The following MCM10 variants were observed in gnomAD, a reference collection of about 807,000 sequenced individuals.
MCM10 encodes minichromosome maintenance 10 replication initiation factor, also known as protein MCM10 homolog.
MCM10 carries 91 observed loss-of-function variants against 109.9 expected under a neutral mutation model. That is an observed-to-expected ratio of 0.83 (90% CI 0.70 to 0.99). The LOEUF (loss-of-function observed/expected upper bound fraction) is 0.99, where lower values mean the gene tolerates loss of function less well. MCM10 is among the 50% of genes least tolerant of loss of function. The pLI, the probability that MCM10 is intolerant of heterozygous loss-of-function variation, is 0.00. For missense variants in MCM10, 1,077 were observed against 1,061.2 expected, an observed-to-expected ratio of 1.01 and a Z score of -0.21; for synonymous variants, 380 against 387.2, an observed-to-expected ratio of 0.98 and a Z score of 0.22.
chr10:13,189,612 T>TG (rs1834321087), intron 10 of MCM10, among the ~76,000 whole-genome samples: 1 of 152,212 alleles, frequency 6.6e-6, no homozygotes, highest in East Asian at 1.9e-4. Flanking sequence ...CATGAGCCAC[T>TG]GCTCCCAGCC....
rs182592910 is a variant in MCM10 at position 13,207,444 on chromosome 10, G to T, written c.2499-1647G>T. On this transcript the variant is annotated intron_variant, in intron 18 of 19. Coordinates refer to ENST00000378714, the MANE Select transcript of MCM10 (RefSeq NM_018518.5). ...CAGTCTCTAGAGGTGGAAGGTGATG[G>T]TTGGGAGGTTGTAAGGGCTAAGGCC... 8.5e-5 allele frequency among the ~76,000 whole-genome samples: 13 copies of T among 152,298 alleles called. No homozygotes were observed. In the East Asian group the frequency reaches 2.5e-3, roughly 29 times the overall value.
In MCM10 at chr10:13,188,951, T is replaced by C; in HGVS notation, c.1286T>C (p.Leu429Pro). 1 of 1,614,232 alleles carries C rather than the reference T, an allele frequency of 6.2e-7. No homozygotes were observed. Among genetic ancestry groups the C allele is most frequent in the African/African-American group, 1.3e-5 (1 of 75,066 alleles). ...YKKLSAKRADLQSTFSGGRIP... is the reference protein window; with the variant it reads ...YKKLSAKRADPQSTFSGGRIP... The stretch of plus-strand genomic sequence containing the variant: ...AAGCTCAGCGCAAAGCGTGCGGATC[T>C]GCAGTCCACCTTCTCTGGAGGACGA... Residue 429 changes from leucine (L) to proline (P), a missense_variant, in exon 10 of 20, where the codon CTG (leucine) becomes CCG (proline). By Grantham distance (98) the Leu-to-Pro change is moderately conservative. Transcript: ENST00000378714.
intron 15 of MCM10, among the ~76,000 whole-genome samples, 189 bp from the exon 16 acceptor site, chr10:13,198,500 C>G (rs1834452413): frequency 6.6e-6 from 1 of 152,152 alleles, no homozygotes; most frequent in Non-Finnish European, 1.5e-5. Flanking sequence ...TCTGCCACCA[C>G]CCCACATTCT....
chr10:13,202,751 G>A (rs1162983457), intron 17 of MCM10, among the ~76,000 whole-genome samples: 3 of 152,240 alleles, frequency 2.0e-5, no homozygotes, highest in African/African-American at 4.8e-5. Flanking sequence ...ACCTGCAGGC[G>A]GACTTAGTGG....
At chr10:13,205,297 C>T (rs965230874) in intron 18 of MCM10, among the ~76,000 whole-genome samples, 2 of 152,012 alleles carry the variant, frequency 1.3e-5, no homozygotes, top group Non-Finnish European at 2.9e-5. Flanking sequence ...CTTTCTGTTT[C>T]TGAGTTTTTT....
intron 9 of MCM10, among the ~76,000 whole-genome samples, chr10:13,188,586 G>A (rs931732281): frequency 6.6e-6 from 1 of 152,080 alleles, no homozygotes; most frequent in Admixed American, 6.5e-5. Flanking sequence ...GACCTTGTGT[G>A]TCTGACTTCT....
At chr10:13,190,616 G>T (rs1481445082) in intron 10 of MCM10, among the ~76,000 whole-genome samples, 1 of 152,140 alleles carries the variant, frequency 6.6e-6, no homozygotes, top group African/African-American at 2.4e-5. Context: ...GCCTGGGGAA[G>T]TTGAGGCTGC....
At position 13,192,522 on chromosome 10, in the gene MCM10, C is replaced by T. The variant is rs761494277; in HGVS notation, c.1699C>T (p.Arg567Trp). ...ASALLKQQKQ[R>W]MLEMRRRKSE... ...AGCACTCTTGAAGCAACAGAAGCAG[C>T]GGATGTTGGAGATGAGGAGAAGGAA... Residue 567 changes from arginine to tryptophan, a missense_variant, in exon 13 of 20, where the codon CGG becomes TGG. Transcript: ENST00000378714. The T allele has an allele frequency of 1.3e-5, 21 of 1,613,948 alleles. No individual in the cohort carries two copies. Among genetic ancestry groups the T allele is most frequent in the Admixed American group, 6.7e-5 (4 of 60,000 alleles).
Position 13,171,022 on chromosome 10 carries a change from T to C in MCM10, c.108T>C (p.Asn36=), listed in dbSNP as rs137855341. The change falls in exon 3 of 20, where the codon AAT becomes AAC. Residue 36 remains asparagine, a synonymous_variant. Coordinates refer to ENST00000378714, the MANE Select transcript of MCM10 (RefSeq NM_018518.5). ...AAAATAACTTCTTGACGCGGGAAAA[T>C]GGCGAGCCCGACGCATTTGATGAGC... ...SEENNFLTRE[N]GEPDAFDELF... The C allele has an allele frequency of 1.6e-3, 2,662 of 1,614,158 alleles. 9 individuals are homozygous for C. Among genetic ancestry groups the C allele is most frequent in the Non-Finnish European group, 1.9e-3 (2,268 of 1,180,030 alleles).
At chr10:13,190,220 G>A (rs1450472867) in intron 10 of MCM10, among the ~76,000 whole-genome samples, 1 of 152,152 alleles carries the variant, frequency 6.6e-6, no homozygotes, top group East Asian at 1.9e-4. Context: ...GGGGCAAGAG[G>A]ACTCATTTCC....
intron 2 of MCM10, 64 bp from the exon 3 acceptor site, chr10:13,170,858 C>T: frequency 1.4e-6 from 2 of 1,451,578 alleles, no homozygotes; most frequent in Non-Finnish European, 9.5e-7. Context: ...ATTTAAATTG[C>T]CTAAAGTTGA....
At chr10:13,205,220 T>G (rs1834564036) in intron 18 of MCM10, among the ~76,000 whole-genome samples, 1 of 151,944 alleles carries the variant, frequency 6.6e-6, no homozygotes, top group Non-Finnish European at 1.5e-5. Context: ...TGTCTATTAT[T>G]CCGCCTTCTG....
In MCM10 at chr10:13,179,583, T is replaced by C. The variant is rs142803975; in HGVS notation, c.765-859T>C. 3.8e-3 allele frequency among the ~76,000 whole-genome samples: 585 copies of C among 152,314 alleles called. 2 individuals are homozygous for C. The highest frequency in any genetic ancestry group is 0.013 in the African/African-American group (556 of 41,560). On this transcript the variant is annotated intron_variant, in intron 6 of 19. Transcript: ENST00000378714. ...GAACCATGTTTTTCTCTTAGTGTCT[T>C]TTCTCGTCTGCAAATATATAACGCT...
At chr10:13,197,545 A>G in intron 14 of MCM10, 78 bp from the exon 15 acceptor site, 1 of 1,365,908 alleles carries the variant, frequency 7.3e-7, no homozygotes, top group Non-Finnish European at 1.0e-6. Flanking sequence ...CTGGTTACTA[A>G]TAAAAAAGGG....
intron 15 of MCM10, among the ~76,000 whole-genome samples, chr10:13,198,348 T>C (rs1159259856): frequency 6.6e-6 from 1 of 152,242 alleles, no homozygotes; most frequent in Non-Finnish European, 1.5e-5. Flanking sequence ...TTGTTTTAAA[T>C]TGCCATATCT....
At chr10:13,200,723 T>TG (rs375478358) in intron 16 of MCM10, among the ~76,000 whole-genome samples, 78 of 152,332 alleles carry the variant, frequency 5.1e-4, no homozygotes, top group African/African-American at 1.4e-3. Flanking sequence ...AACTCACCAG[T>TG]GGGGGCCTGG....
rs1016101256 is a variant in MCM10, at chr10:13,172,931, G to A, written c.592+166G>A. Among the ~76,000 whole-genome samples, 6 of 152,112 alleles carry A rather than the reference G, an allele frequency of 3.9e-5. No individual in the cohort carries two copies. Among genetic ancestry groups the A allele is most frequent in the Non-Finnish European group, 7.4e-5 (5 of 68,022 alleles). On this transcript the variant is annotated intron_variant, in intron 5 of 19. Coordinates refer to ENST00000378714, the MANE Select transcript of MCM10 (RefSeq NM_018518.5). This position sits in a 1 kb window ranked among gnomAD's most constrained non-coding sequence, Gnocchi z 5.2. ...CCACATGATATATTTTGTGTTCTTC[G>A]TCTACATCTCAAAGTGCCTAGAAAA... is the stretch of plus-strand genomic sequence containing the variant.
At chr10:13,187,618 C>T (rs965908175) in intron 9 of MCM10, among the ~76,000 whole-genome samples, 1 of 152,180 alleles carries the variant, frequency 6.6e-6, no homozygotes, top group Non-Finnish European at 1.5e-5. Context: ...CTCATCAGCA[C>T]CTGTTACTCT....
rs1322548844 is a variant in MCM10 at position 13,209,885 on chromosome 10, A to G, written c.*575A>G. 1 of 152,812 alleles carries G rather than the reference A, an allele frequency of 6.5e-6. No homozygotes were observed. The highest frequency in any genetic ancestry group is 1.5e-5 in the Non-Finnish European group (1 of 68,550). 9.5% of individuals were successfully genotyped at this position (152,812 alleles called of 1,614,324 possible). On this transcript the variant is annotated 3_prime_UTR_variant, in exon 20 of 20. Coordinates refer to ENST00000378714, the MANE Select transcript of MCM10 (RefSeq NM_018518.5). ...TCTTGATGTACGGACATTAAAAGCC[A>G]GATTTCTTCATTCAATTCTGTTATC...
Sources: allele counts gnomAD v4.1 joint callset (sites outside exome capture counted in the v4.1 genomes callset), GRCh38; gene constraint gnomAD v4.1.1; non-coding constraint Gnocchi (gnomAD v3.1); transcripts MANE v1.5; gene names NCBI Gene and HGNC (gene_info 2026-07-23, HGNC 2026-07-21).